Variants in NHEJ1 observed in about 807,000 individuals in gnomAD.
NHEJ1 encodes the protein non-homologous end joining factor 1, also known as non-homologous end-joining factor 1.
Under a neutral mutation model 39.4 loss-of-function variants are expected in NHEJ1, and 22 were observed. The ratio of observed to expected loss-of-function variants is 0.56; its 90% CI spans 0.40 to 0.80. The LOEUF (loss-of-function observed/expected upper bound fraction) is 0.80, where lower values mean the gene tolerates loss of function less well. Among genes scored for constraint, NHEJ1 ranks in the 30% least tolerant of loss-of-function variants. The pLI is 0.00. For synonymous variants in NHEJ1, 154 were observed against 135.6 expected (o/e 1.14, Z -0.94); for missense variants, 329 against 357.1 (o/e 0.92, Z 0.63).
chr2:219,158,481 A>G, intron 1 of NHEJ1, 119 bp from the exon 2 acceptor site: 1 of 917,162 alleles, frequency 1.1e-6, no homozygotes, highest in Non-Finnish European at 1.7e-6. Context: ...ATAAAATAGA[A>G]GGCATGGATT....
At chr2:219,152,650 T>C (rs1402487346) in intron 3 of NHEJ1, among the ~76,000 whole-genome samples, 1 of 151,888 alleles carries the variant, frequency 6.6e-6, no homozygotes, top group African/African-American at 2.4e-5. Context: ...TATTTTTTTG[T>C]AGCTATGGGT....
At chr2:219,148,577 C>CA (rs1222205194) in intron 3 of NHEJ1, among the ~76,000 whole-genome samples, 2 of 152,016 alleles carry the variant, frequency 1.3e-5, no homozygotes, top group South Asian at 2.1e-4. Context: ...AAGAAGAAAA[C>CA]AAACAAACAA....
chr2:219,080,587 TTA>T lies in NHEJ1; in HGVS notation c.589-2383_589-2382del, dbSNP rs58776270. ...TATATATGCTTTTATATATATACGC[TTA>T]TATATATATGCTAATATATATAAGC... is the stretch of plus-strand genomic sequence containing the variant. On this transcript the variant is annotated intron_variant, in intron 5 of 7. Transcript: ENST00000356853. Among the ~76,000 whole-genome samples the T allele has an allele frequency of 2.0e-4, 12 of 59,862 alleles. 1 individual carries two copies. The highest frequency in any genetic ancestry group is 4.8e-4 in the African/African-American group (11 of 22,758). 39.3% of individuals were successfully genotyped at this position (59,862 alleles called of 152,430 possible).
chr2:219,159,620 T>C (rs1949909252), intron 1 of NHEJ1, among the ~76,000 whole-genome samples: 1 of 146,524 alleles, frequency 6.8e-6, no homozygotes. Flanking sequence ...TACATATACG[T>C]GGTGATCTTT....
intron 3 of NHEJ1, among the ~76,000 whole-genome samples, chr2:219,152,836 C>T (rs1235818397): frequency 1.6e-5 from 2 of 123,324 alleles, no homozygotes; most frequent in Admixed American, 9.6e-5. Flanking sequence ...GAGAGAGTCT[C>T]GCTGTAGCCA....
intron 5 of NHEJ1, among the ~76,000 whole-genome samples, chr2:219,131,623 T>C (rs1439567053): frequency 6.6e-6 from 1 of 152,246 alleles, no homozygotes; most frequent in African/African-American, 2.4e-5. Context: ...AAATAGTTAC[T>C]CCTTGGTTTT....
intron 5 of NHEJ1, among the ~76,000 whole-genome samples, chr2:219,144,797 T>C (rs966129749): frequency 6.6e-6 from 1 of 152,162 alleles, no homozygotes; most frequent in African/African-American, 2.4e-5. Flanking sequence ...AACCAGCATG[T>C]TATCCCCAGC....
chr2:219,145,352 C>T (rs901764400), intron 5 of NHEJ1, among the ~76,000 whole-genome samples: 1 of 152,228 alleles, frequency 6.6e-6, no homozygotes, highest in African/African-American at 2.4e-5. Flanking sequence ...ACCTACCTCA[C>T]ATTTTTTGCT....
At chr2:219,112,593 G>A (rs1377073902) in intron 5 of NHEJ1, among the ~76,000 whole-genome samples, 1 of 152,072 alleles carries the variant, frequency 6.6e-6, no homozygotes, top group Non-Finnish European at 1.5e-5. Flanking sequence ...GGATAACAGG[G>A]AGGCCAACCT....
At chr2:219,121,124 T>C (rs1949467293) in intron 5 of NHEJ1, among the ~76,000 whole-genome samples, 1 of 152,016 alleles carries the variant, frequency 6.6e-6, no homozygotes. Context: ...CAGAATCACT[T>C]GAACCCGGGA....
chr2:219,140,025 T>C (rs1949675579), intron 5 of NHEJ1, among the ~76,000 whole-genome samples: 1 of 152,190 alleles, frequency 6.6e-6, no homozygotes, highest in African/African-American at 2.4e-5. Flanking sequence ...TACACAGCAA[T>C]GGATAACTAA....
chr2:219,095,415 C>A (rs1949198957), intron 5 of NHEJ1: 1 of 460,538 alleles, frequency 2.2e-6, no homozygotes, highest in Admixed American at 2.4e-5. Flanking sequence ...ATCTCACCAT[C>A]AAGTTCTTAG....
intron 5 of NHEJ1, among the ~76,000 whole-genome samples, chr2:219,106,193 T>G (rs1949312054): frequency 6.6e-6 from 1 of 152,196 alleles, no homozygotes; most frequent in Non-Finnish European, 1.5e-5. Flanking sequence ...TCTTTTTCTC[T>G]TGGGTCTAAG....
In NHEJ1 at chr2:219,071,790, T is replaced by C. The variant is rs774905512; in HGVS notation, c.*4591A>G. Among the ~76,000 whole-genome samples, 2 of 152,216 alleles carry C rather than the reference T, an allele frequency of 1.3e-5. No individual in the cohort carries two copies. The highest frequency in any genetic ancestry group is 2.9e-5 in the Non-Finnish European group (2 of 68,036). ...CTTCTTCCGGGTTCCCCTGGTAGGC[T>C]GGCCCAGATTCTTGAGAACCCATAA... On this transcript the variant is annotated 3_prime_UTR_variant, in exon 8 of 8. Coordinates refer to ENST00000356853, the MANE Select transcript of NHEJ1 (RefSeq NM_024782.3).
intron 5 of NHEJ1, among the ~76,000 whole-genome samples, chr2:219,141,865 G>A (rs112992251): frequency 6.6e-6 from 1 of 152,046 alleles, no homozygotes; most frequent in Non-Finnish European, 1.5e-5. Flanking sequence ...AGAAGACGGA[G>A]AGCCAGCCAA....
chr2:219,081,986 G>A (rs1949071393), intron 5 of NHEJ1, among the ~76,000 whole-genome samples: 1 of 152,184 alleles, frequency 6.6e-6, no homozygotes, highest in Non-Finnish European at 1.5e-5. Flanking sequence ...ATGCCCATGG[G>A]AATTTCTTTT....
At chr2:219,088,254 G>A (rs1386289420) in intron 5 of NHEJ1, among the ~76,000 whole-genome samples, 1 of 152,178 alleles carries the variant, frequency 6.6e-6, no homozygotes, top group Non-Finnish European at 1.5e-5. Flanking sequence ...TAAATAAGTT[G>A]TGGTATAGCT....
At position 219,073,940 on chromosome 2, in the gene NHEJ1, C is replaced by A. The variant is rs563921168; in HGVS notation, c.*2441G>T. 1.9e-3 allele frequency among the ~76,000 whole-genome samples: 297 copies of A among 152,332 alleles called. 1 individual carries two copies. The highest frequency in any genetic ancestry group is 6.8e-3 in the Middle Eastern group (2 of 294). On this transcript the variant is annotated 3_prime_UTR_variant, in exon 8 of 8. Transcript: ENST00000356853. ...TCAGGGAGGGGCCCAAGCCAGGGGG[C>A]AGGGCTGGAATACAGCCTGGCTAGG...
rs1948971620 is a variant in NHEJ1 at position 219,072,584 on chromosome 2, G to C, written c.*3797C>G. On this transcript the variant is annotated 3_prime_UTR_variant, in exon 8 of 8. Transcript: ENST00000356853. ...TATTTGTTAATGGTATAATATCCCTGAAGTGATATTTTCTGAGTTAGGGTT... is the reference window on the plus strand; with the variant it reads ...TATTTGTTAATGGTATAATATCCCTCAAGTGATATTTTCTGAGTTAGGGTT... 6.7e-6 allele frequency among the ~76,000 whole-genome samples: 1 copy of C among 149,728 alleles called. No homozygotes were observed. The highest frequency in any genetic ancestry group is 1.5e-5 in the Non-Finnish European group (1 of 68,018).
Sources: allele counts gnomAD v4.1 joint callset (sites outside exome capture counted in the v4.1 genomes callset), GRCh38; gene constraint gnomAD v4.1.1; transcripts MANE v1.5; gene names NCBI Gene and HGNC (gene_info 2026-07-23, HGNC 2026-07-21).